KLHL29: variants seen among roughly 807,000 people sequenced by gnomAD.
KLHL29 encodes the protein kelch-like protein 29.
Under a neutral mutation model 80.4 loss-of-function variants are expected in KLHL29, and 21 were observed. The ratio of observed to expected loss-of-function variants is 0.26; its 90% CI spans 0.19 to 0.38. The LOEUF is 0.38. Among genes scored for constraint, KLHL29 ranks in the 10% least tolerant of loss-of-function variants. KLHL29 has a pLI of 1.00. For missense variants in KLHL29, 867 were observed against 1,223.9 expected (o/e 0.71, Z 4.35); for synonymous variants, 511 against 526.8 (o/e 0.97, Z 0.41).
intron 3 of KLHL29, among the ~76,000 whole-genome samples, chr2:23,603,647 G>T (rs780047603): frequency 6.6e-6 from 1 of 152,206 alleles, no homozygotes. Flanking sequence ...CCTTCCTCGG[G>T]TGCTGGAGCC....
chr2:23,510,764 AGGCTGGGCAGGTGTAG>A (rs1665745512), intron 2 of KLHL29, among the ~76,000 whole-genome samples: 1 of 152,148 alleles, frequency 6.6e-6, no homozygotes, highest in South Asian at 2.1e-4. Context: ...CTGGATCCCA[AGGCTGGGCAGGTGTAG>A]GGCTGAGAGA....
intron 1 of KLHL29, among the ~76,000 whole-genome samples, chr2:23,473,081 C>T (rs569397440): frequency 6.6e-6 from 1 of 151,936 alleles, no homozygotes; most frequent in Admixed American, 6.5e-5. Flanking sequence ...TTACAGGAAT[C>T]CAGAGAGAGA....
chr2:23,571,723 T>A (rs1203544511), intron 3 of KLHL29, among the ~76,000 whole-genome samples: 1 of 152,208 alleles, frequency 6.6e-6, no homozygotes, highest in East Asian at 1.9e-4. Context: ...ATAACCTTCC[T>A]ACTACAAGCC....
At chr2:23,631,107 C>T (rs1171249809) in intron 3 of KLHL29, among the ~76,000 whole-genome samples, 2 of 151,536 alleles carry the variant, frequency 1.3e-5, no homozygotes, top group Non-Finnish European at 2.9e-5. Context: ...GCCTGGGGCC[C>T]AGACGGGTTC....
At chr2:23,581,466 G>A (rs929879774) in intron 3 of KLHL29, among the ~76,000 whole-genome samples, 5 of 152,152 alleles carry the variant, frequency 3.3e-5, no homozygotes, top group African/African-American at 7.2e-5. Context: ...AGTCCCAGGC[G>A]GTGACTCCTG....
At chr2:23,685,405 T>C (rs897458964) in intron 6 of KLHL29, 1 of 152,364 alleles carries the variant, frequency 6.6e-6, no homozygotes, top group Admixed American at 6.5e-5. Context: ...TTAACGCCGC[T>C]GCTCCTCTTG....
intron 2 of KLHL29, among the ~76,000 whole-genome samples, chr2:23,505,901 A>G (rs569143935): frequency 1.3e-5 from 2 of 152,254 alleles, no homozygotes; most frequent in South Asian, 2.1e-4. Context: ...GGAGCAACCA[A>G]AGGGCGTTGG....
At chr2:23,534,678 G>C (rs1252872663) in intron 2 of KLHL29, among the ~76,000 whole-genome samples, 1 of 152,182 alleles carries the variant, frequency 6.6e-6, no homozygotes, top group Non-Finnish European at 1.5e-5. Context: ...TGGCACAGAG[G>C]CTCATAGAGT....
chr2:23,401,769 C>T (rs551321163), intron 1 of KLHL29, among the ~76,000 whole-genome samples: 1 of 152,326 alleles, frequency 6.6e-6, no homozygotes, highest in East Asian at 1.9e-4. Flanking sequence ...TGAGGCTACC[C>T]TCAGCTTCCA....
intron 1 of KLHL29, among the ~76,000 whole-genome samples, chr2:23,418,717 T>C (rs568293667): frequency 6.6e-6 from 1 of 152,252 alleles, no homozygotes; most frequent in African/African-American, 2.4e-5. Context: ...CTTATGAACT[T>C]TGTTAGTGAC....
At chr2:23,525,729 C>A (rs895193178) in intron 2 of KLHL29, among the ~76,000 whole-genome samples, 1 of 54,780 alleles carries the variant, frequency 1.8e-5, no homozygotes, top group African/African-American at 8.9e-5. Flanking sequence ...AGCCCCTGCC[C>A]CCCCCCCCCA....
chr2:23,525,490 C>T (rs1666274641), intron 2 of KLHL29, among the ~76,000 whole-genome samples: 1 of 152,256 alleles, frequency 6.6e-6, no homozygotes, highest in South Asian at 2.1e-4. Context: ...TTGCTGGCAT[C>T]TGCTCTTGCC....
intron 1 of KLHL29, among the ~76,000 whole-genome samples, chr2:23,392,634 A>G (rs1384607719): frequency 6.6e-6 from 1 of 152,242 alleles, no homozygotes; most frequent in Non-Finnish European, 1.5e-5. Flanking sequence ...GATGAGGCTC[A>G]GTGGTAATCA....
At chr2:23,597,296 CA>C (rs376837016) in intron 3 of KLHL29, among the ~76,000 whole-genome samples, 5,283 of 59,242 alleles carry the variant, frequency 0.089, 359 homozygotes, top group African/African-American at 0.26. Flanking sequence ...CTCTCTCTCT[CA>C]TATATATATA....
chr2:23,625,386 C>T (rs1017166197), intron 3 of KLHL29, among the ~76,000 whole-genome samples: 1 of 152,212 alleles, frequency 6.6e-6, no homozygotes, highest in African/African-American at 2.4e-5. Context: ...TTAAAATGAA[C>T]CATGACAATG....
At chr2:23,578,174 C>A (rs914146396) in intron 3 of KLHL29, among the ~76,000 whole-genome samples, 4 of 152,214 alleles carry the variant, frequency 2.6e-5, no homozygotes, top group Non-Finnish European at 5.9e-5. Flanking sequence ...CAAGAGGTTT[C>A]TCTGCATGCA....
At position 23,696,540 on chromosome 2, in the gene KLHL29, G is replaced by T; in HGVS notation, c.2105+27G>T. The T allele has an allele frequency of 6.8e-7, 1 of 1,477,182 alleles. No homozygotes were observed. The highest frequency in any genetic ancestry group is 9.0e-7 in the Non-Finnish European group (1 of 1,109,736). The allele number at this position is 1,477,182 out of a possible 1,614,324, so 91.5% of individuals were successfully genotyped here. A position where few individuals can be genotyped will look rare whatever the true frequency, so the allele number is the denominator to read the frequency against. ...TAATGAGGCCACGGTCAGGACAGGG[G>T]CATGCTCTTTGCTCACCAAGAACTG... is the stretch of plus-strand genomic sequence containing the variant. On this transcript the variant is annotated intron_variant, in intron 11 of 13. Transcript: ENST00000486442. The surrounding 1 kb of genome is among the most constrained non-coding windows in gnomAD (Gnocchi z 5.5).
At chr2:23,456,885 G>A (rs1664068709) in intron 1 of KLHL29, among the ~76,000 whole-genome samples, 1 of 152,226 alleles carries the variant, frequency 6.6e-6, no homozygotes. Context: ...CTGGTTTGAA[G>A]TGTGCTGACG....
chr2:23,653,631 T>A (rs1312540750), intron 5 of KLHL29, among the ~76,000 whole-genome samples: 1 of 152,140 alleles, frequency 6.6e-6, no homozygotes, highest in Non-Finnish European at 1.5e-5. Flanking sequence ...CCACAGAGGA[T>A]GATTTGATGA....
Sources: gnomAD v4.1 joint callset for allele counts (sites outside exome capture counted in the v4.1 genomes callset) on GRCh38, gnomAD v4.1.1 for gene constraint, Gnocchi (gnomAD v3.1) non-coding constraint, MANE v1.5 for transcripts, NCBI Gene and HGNC (gene_info 2026-07-23, HGNC 2026-07-21) for gene names.